Variants in CADPS2 observed in about 807,000 individuals in gnomAD.
CADPS2 encodes calcium dependent secretion activator 2.
A neutral mutation model predicts 172.5 loss-of-function variants in CADPS2; 93 were observed. That is an observed-to-expected ratio of 0.54 (90% CI 0.46 to 0.64). The LOEUF (loss-of-function observed/expected upper bound fraction) is 0.64. Among genes scored for constraint, CADPS2 ranks in the 30% least tolerant of loss-of-function variants. The pLI is 0.00. For synonymous variants in CADPS2, 546 were observed against 555.2 expected, an observed-to-expected ratio of 0.98 and a Z score of 0.23; for missense variants, 1,420 against 1,565.9, an observed-to-expected ratio of 0.91 and a Z score of 1.57.
intron 1 of CADPS2, among the ~76,000 whole-genome samples, chr7:122,745,593 T>C (rs2092687897): frequency 6.7e-6 from 1 of 148,592 alleles, no homozygotes; most frequent in South Asian, 2.3e-4. Context: ...GGATAAGAAC[T>C]TGGTTTTAGC....
chr7:122,358,840 T>C (rs1488900507), intron 27 of CADPS2, among the ~76,000 whole-genome samples: 2 of 152,156 alleles, frequency 1.3e-5, no homozygotes, highest in African/African-American at 2.4e-5. Flanking sequence ...TCAAACCACA[T>C]CTATGGTATA....
At chr7:122,845,285 C>A (rs1453814769) in intron 1 of CADPS2, among the ~76,000 whole-genome samples, 2 of 152,178 alleles carry the variant, frequency 1.3e-5, no homozygotes, top group African/African-American at 4.8e-5. Context: ...GGACCCAGGA[C>A]TTATTCTAAG....
intron 2 of CADPS2, among the ~76,000 whole-genome samples, chr7:122,687,871 A>G (rs927285435): frequency 6.6e-6 from 1 of 152,242 alleles, no homozygotes; most frequent in African/African-American, 2.4e-5. Flanking sequence ...TTAATAAATC[A>G]CAAGTTAGTA....
intron 24 of CADPS2, among the ~76,000 whole-genome samples, chr7:122,380,700 A>G (rs1312140860): frequency 6.6e-6 from 1 of 152,098 alleles, no homozygotes; most frequent in East Asian, 1.9e-4. Context: ...GGGTGTGAAT[A>G]TAAGTGCATA....
chr7:122,832,911 T>C (rs1016194932), intron 1 of CADPS2, among the ~76,000 whole-genome samples: 14 of 152,316 alleles, frequency 9.2e-5, no homozygotes, highest in Non-Finnish European at 1.8e-4. Flanking sequence ...TATAATGAAA[T>C]AGTGCATTTC....
intron 1 of CADPS2, among the ~76,000 whole-genome samples, chr7:122,882,419 A>G (rs1014984390): frequency 6.6e-6 from 1 of 152,154 alleles, no homozygotes; most frequent in African/African-American, 2.4e-5. Context: ...AACTCAAATA[A>G]TGAAAAGAGC....
intron 1 of CADPS2, among the ~76,000 whole-genome samples, chr7:122,772,957 A>G (rs999403584): frequency 6.6e-6 from 1 of 152,144 alleles, no homozygotes; most frequent in Non-Finnish European, 1.5e-5. Flanking sequence ...ATCAAAATAG[A>G]TTCTCAAGAA....
intron 1 of CADPS2, among the ~76,000 whole-genome samples, chr7:122,781,062 A>G (rs187591598): frequency 8.5e-5 from 13 of 152,338 alleles, no homozygotes; most frequent in African/African-American, 3.1e-4. Context: ...TACCACACTC[A>G]TGATTATTAA....
chr7:122,657,612 T>G (rs184485479), intron 3 of CADPS2, among the ~76,000 whole-genome samples: 380 of 152,264 alleles, frequency 2.5e-3, no homozygotes, highest in Non-Finnish European at 3.8e-3. Context: ...TCTCTGTTTG[T>G]CTGTTATTGG....
intron 1 of CADPS2, among the ~76,000 whole-genome samples, chr7:122,882,013 C>A (rs1367527246): frequency 1.3e-5 from 2 of 152,154 alleles, no homozygotes; most frequent in East Asian, 3.9e-4. Context: ...AAGATGAAAA[C>A]AAAATAAAAC....
intron 2 of CADPS2, among the ~76,000 whole-genome samples, chr7:122,731,573 A>T (rs2137533380): frequency 6.6e-6 from 1 of 151,754 alleles, no homozygotes; most frequent in East Asian, 1.9e-4. Flanking sequence ...AAAACCAAAA[A>T]ATGGCCAAAA....
intron 1 of CADPS2, among the ~76,000 whole-genome samples, chr7:122,793,561 T>C (rs764664993): frequency 6.6e-6 from 1 of 152,208 alleles, no homozygotes; most frequent in African/African-American, 2.4e-5. Context: ...AGCATATCAA[T>C]GGGTCTTGCT....
chr7:122,840,105 A>G (rs1041842245), intron 1 of CADPS2, among the ~76,000 whole-genome samples: 4 of 152,206 alleles, frequency 2.6e-5, no homozygotes, highest in African/African-American at 7.2e-5. Context: ...CAGCCAAAAA[A>G]AGGATGAGTT....
intron 1 of CADPS2, among the ~76,000 whole-genome samples, chr7:122,827,342 T>C (rs527809485): frequency 6.6e-6 from 1 of 152,082 alleles, no homozygotes; most frequent in East Asian, 1.9e-4. Context: ...TCAAAGAAAA[T>C]TCTAGTAAAT....
At chr7:122,482,476 G>A (rs1204030839) in intron 11 of CADPS2, among the ~76,000 whole-genome samples, 1 of 152,148 alleles carries the variant, frequency 6.6e-6, no homozygotes, top group Non-Finnish European at 1.5e-5. Context: ...CAATAGTGTT[G>A]AAATTGAGAA....
intron 1 of CADPS2, among the ~76,000 whole-genome samples, chr7:122,793,885 G>T (rs1333497183): frequency 5.3e-5 from 8 of 152,026 alleles, no homozygotes; most frequent in Admixed American, 5.2e-4. Flanking sequence ...CTTCACTTAT[G>T]AGGCTTACTT....
intron 8 of CADPS2, among the ~76,000 whole-genome samples, chr7:122,543,825 T>C (rs755247334): frequency 6.6e-6 from 1 of 152,132 alleles, no homozygotes; most frequent in Non-Finnish European, 1.5e-5. Context: ...GCATTTGGAC[T>C]AAGTAATGAA....
At chr7:122,737,828 T>C (rs1043051465) in intron 1 of CADPS2, among the ~76,000 whole-genome samples, 6 of 152,056 alleles carry the variant, frequency 3.9e-5, no homozygotes, top group African/African-American at 1.4e-4. Flanking sequence ...GAGGGATGCC[T>C]TGGACAAGAG....
intron 15 of CADPS2, among the ~76,000 whole-genome samples, chr7:122,445,764 G>A (rs915533762): frequency 1.1e-4 from 16 of 152,152 alleles, no homozygotes; most frequent in Admixed American, 9.2e-4. Context: ...GCAGTGAGCA[G>A]TGATCACACC....
Sources: allele counts gnomAD v4.1 joint callset (sites outside exome capture counted in the v4.1 genomes callset), GRCh38; gene constraint gnomAD v4.1.1; transcripts MANE v1.5; gene names NCBI Gene and HGNC (gene_info 2026-07-23, HGNC 2026-07-21).